The following PGCKA1 variants were observed in gnomAD, a reference collection of about 807,000 sequenced individuals.
The protein encoded by PGCKA1 is PDCD10 and GCKIII kinases associated 1.
chr4:37,576,846 T>G, the PGCKA1 span, among the ~76,000 whole-genome samples: 2 of 152,204 alleles, frequency 1.3e-5, no homozygotes, highest in Non-Finnish European at 2.9e-5. Context: ...ATATGGTTTT[T>G]GCTCTTCATT....
At chr4:37,512,454 CTTTT>C in the PGCKA1 span, among the ~76,000 whole-genome samples, 1 of 126,958 alleles carries the variant, frequency 7.9e-6, no homozygotes. Flanking sequence ...GTGTTGATTT[CTTTT>C]TTTTTTTTTT....
chr4:37,526,369 G>T, the PGCKA1 span, among the ~76,000 whole-genome samples: 1 of 152,130 alleles, frequency 6.6e-6, no homozygotes, highest in Non-Finnish European at 1.5e-5. Context: ...CACTTGGCCC[G>T]TAGGATTCTA....
the PGCKA1 span, among the ~76,000 whole-genome samples, chr4:37,540,214 T>A: frequency 1.3e-5 from 2 of 152,244 alleles, no homozygotes; most frequent in African/African-American, 4.8e-5. Context: ...CATGCGTGCA[T>A]AATTATATAT....
chr4:37,480,041 CAGAT>C, the PGCKA1 span, among the ~76,000 whole-genome samples: 1 of 152,060 alleles, frequency 6.6e-6, no homozygotes, highest in African/African-American at 2.4e-5. Context: ...AGTGGGGAAT[CAGAT>C]AGAATTGAAT....
the PGCKA1 span, among the ~76,000 whole-genome samples, chr4:37,527,212 G>A: frequency 6.6e-6 from 1 of 152,160 alleles, no homozygotes; most frequent in East Asian, 1.9e-4. Context: ...TACTACGAAA[G>A]AGTCAAAACG....
At chr4:37,582,159 A>G in the PGCKA1 span, among the ~76,000 whole-genome samples, 16 of 152,108 alleles carry the variant, frequency 1.1e-4, no homozygotes, top group Non-Finnish European at 1.2e-4. Flanking sequence ...GCAGTTCAAG[A>G]TTGTCTTTCC....
the PGCKA1 span, among the ~76,000 whole-genome samples, chr4:37,551,062 T>G: frequency 6.6e-6 from 1 of 151,832 alleles, no homozygotes; most frequent in Admixed American, 6.5e-5. Flanking sequence ...TAGACAGAGA[T>G]CCATTCAGTA....
chr4:37,561,689 C>G, the PGCKA1 span, among the ~76,000 whole-genome samples: 8 of 152,162 alleles, frequency 5.3e-5, no homozygotes, highest in Non-Finnish European at 1.0e-4. Context: ...TAGTTATGTT[C>G]TATAAAGTCA....
chr4:37,578,755 A>G, the PGCKA1 span, among the ~76,000 whole-genome samples: 2 of 152,172 alleles, frequency 1.3e-5, no homozygotes, highest in East Asian at 3.9e-4. Flanking sequence ...GAGGCCTGCA[A>G]ATACTATCCT....
chr4:37,488,942 A>T, the PGCKA1 span, among the ~76,000 whole-genome samples: 1 of 152,098 alleles, frequency 6.6e-6, no homozygotes, highest in Non-Finnish European at 1.5e-5. Flanking sequence ...CCCATTTAAA[A>T]AACACAGTGT....
At chr4:37,566,930 C>G in the PGCKA1 span, among the ~76,000 whole-genome samples, 1 of 152,146 alleles carries the variant, frequency 6.6e-6, no homozygotes, top group Non-Finnish European at 1.5e-5. Flanking sequence ...AGTAAAATAA[C>G]CGCTATATCC....
the PGCKA1 span, among the ~76,000 whole-genome samples, chr4:37,504,855 T>C: frequency 1.3e-5 from 2 of 152,208 alleles, no homozygotes; most frequent in Non-Finnish European, 2.9e-5. Context: ...TAAGATCATA[T>C]TATCTTCAAA....
the PGCKA1 span, among the ~76,000 whole-genome samples, chr4:37,520,886 G>A: frequency 6.6e-6 from 1 of 152,082 alleles, no homozygotes; most frequent in Non-Finnish European, 1.5e-5. Context: ...CAAAGTGCTG[G>A]GATTACAGGC....
the PGCKA1 span, among the ~76,000 whole-genome samples, chr4:37,513,390 C>G: frequency 6.6e-6 from 1 of 152,218 alleles, no homozygotes; most frequent in Non-Finnish European, 1.5e-5. Flanking sequence ...AAGACCAAGA[C>G]TCAGGTTCTG....
At chr4:37,475,290 T>C in the PGCKA1 span, among the ~76,000 whole-genome samples, 1 of 151,980 alleles carries the variant, frequency 6.6e-6, no homozygotes, top group East Asian at 1.9e-4. Flanking sequence ...ACAATGCTCC[T>C]TTTTTTTCCT....
chr4:37,484,255 C>T, the PGCKA1 span, among the ~76,000 whole-genome samples: 1 of 151,798 alleles, frequency 6.6e-6, no homozygotes, highest in Non-Finnish European at 1.5e-5. Flanking sequence ...GGCTGTGGTT[C>T]CACAATCACG....
At chr4:37,574,531 G>C in the PGCKA1 span, among the ~76,000 whole-genome samples, 1 of 152,152 alleles carries the variant, frequency 6.6e-6, no homozygotes, top group East Asian at 1.9e-4. Flanking sequence ...ATACAGGCTT[G>C]CAATGCATAA....
the PGCKA1 span, among the ~76,000 whole-genome samples, chr4:37,509,917 A>G: frequency 6.8e-6 from 1 of 146,064 alleles, no homozygotes; most frequent in Non-Finnish European, 1.5e-5. Context: ...GTGGCAGTAC[A>G]GTCCAGCTTC....
At chr4:37,579,149 CA>C in the PGCKA1 span, among the ~76,000 whole-genome samples, 2 of 152,074 alleles carry the variant, frequency 1.3e-5, no homozygotes, top group African/African-American at 4.8e-5. Context: ...AAACCAAAAA[CA>C]AAAAAACAAA....
Sources: gnomAD v4.1 joint callset for allele counts (sites outside exome capture counted in the v4.1 genomes callset) on GRCh38, gnomAD v4.1.1 for gene constraint, MANE v1.5 for transcripts, NCBI Gene and HGNC (gene_info 2026-07-23, HGNC 2026-07-21) for gene names.